IL1RL1: variants seen among roughly 807,000 people sequenced by gnomAD.
The protein encoded by IL1RL1 is interleukin-1 receptor-like 1.
IL1RL1 carries 32 observed loss-of-function variants against 50.9 expected under a neutral mutation model. That is an observed-to-expected ratio of 0.63 (90% CI 0.47 to 0.84). IL1RL1 has a LOEUF of 0.84. Ranked by LOEUF, IL1RL1 falls within the 40% of genes least tolerant of loss-of-function variation. The pLI is 0.00. For synonymous variants in IL1RL1, 275 were observed against 236.0 expected (o/e 1.17, Z -1.51); for missense variants, 773 against 662.9 (o/e 1.17, Z -1.82).
At position 102,314,467 on chromosome 2, in the gene IL1RL1, C is replaced by T. The variant is rs146488332; in HGVS notation, c.-150+2844C>T. On this transcript the variant is annotated intron_variant, in intron 1 of 10. Coordinates refer to ENST00000233954, the MANE Select transcript of IL1RL1 (RefSeq NM_016232.5). Reference sequence around the variant, plus strand: ...AAACACAGAATAAAGATAGTGTCCACCAAGATGTAACTGAGATTTAAAGAA... The same window carrying T: ...AAACACAGAATAAAGATAGTGTCCATCAAGATGTAACTGAGATTTAAAGAA... Among the ~76,000 whole-genome samples the T allele has an allele frequency of 5.5e-4, 84 of 152,290 alleles. 2 individuals are homozygous for T. In the East Asian group the frequency reaches 0.014, roughly 26 times the overall value.
intron 1 of IL1RL1, among the ~76,000 whole-genome samples, chr2:102,314,187 T>TA (rs1559593162): frequency 6.6e-6 from 1 of 152,208 alleles, no homozygotes; most frequent in East Asian, 1.9e-4. Flanking sequence ...GACTGCTATG[T>TA]GCCAGACCCT....
At position 102,343,920 on chromosome 2, in the gene IL1RL1, T is replaced by A. The variant is rs1001255928; in HGVS notation, c.970+505T>A. The A allele has an allele frequency of 2.6e-5, 26 of 995,296 alleles. No homozygotes were observed. The African/African-American group carries it at 4.3e-4, about 17-fold the overall frequency. The allele number at this position is 995,296 out of a possible 1,614,324, so 61.7% of individuals were successfully genotyped here. On this transcript the variant is annotated intron_variant, in intron 8 of 10. Coordinates refer to ENST00000233954, the MANE Select transcript of IL1RL1 (RefSeq NM_016232.5). ...TACTGCCATTTCAGTGAGAAAATCC[T>A]AGGTGCTACTTTATAATAAGACATT... is the stretch of plus-strand genomic sequence containing the variant.
At position 102,351,734 on chromosome 2, in the gene IL1RL1, C is replaced by T. The variant is rs758267880; in HGVS notation, c.1484C>T (p.Ala495Val). ...LSELDMLQAEALQDSLQHLMK... is the reference protein window; with the variant it reads ...LSELDMLQAEVLQDSLQHLMK... ...GAGCTGGACATGCTGCAGGCTGAGG[C>T]GCTTCAGGACTCCCTCCAGCATCTT... is the stretch of plus-strand genomic sequence containing the variant. Residue 495 changes from alanine to valine, a missense_variant, in exon 11 of 11, where the codon GCG (alanine) becomes GTG (valine). Ala to Val is a moderately conservative substitution (Grantham distance 64, BLOSUM62 0). Coordinates refer to ENST00000233954, the MANE Select transcript of IL1RL1 (RefSeq NM_016232.5). 1.6e-5 allele frequency: 26 copies of T among 1,613,832 alleles called. No homozygotes were observed. The highest frequency in any genetic ancestry group is 1.2e-4 in the South Asian group (11 of 91,078).
At chr2:102,319,377 A>C (rs1313288812) in intron 1 of IL1RL1, among the ~76,000 whole-genome samples, 1 of 152,198 alleles carries the variant, frequency 6.6e-6, no homozygotes, top group Middle Eastern at 3.2e-3. Flanking sequence ...TTTTAGATAC[A>C]AATATTGTCA....
Position 102,311,956 on chromosome 2 carries a change from TATATTATATATA to T in IL1RL1, c.-150+350_-150+361del, listed in dbSNP as rs1331711145. 2.6e-3 allele frequency among the ~76,000 whole-genome samples: 94 copies of T among 36,740 alleles called. 3 individuals carry two copies. In the East Asian group the frequency reaches 0.034, roughly 13 times the overall value. The allele number at this position is 36,740 out of a possible 152,430, so 24.1% of individuals were successfully genotyped here. ...ATTATATATAATATTATATATAATA[TATATTATATATA>T]ATATTATATATAATATATATTATAT... On this transcript the variant is annotated intron_variant, in intron 1 of 10. Coordinates refer to ENST00000233954, the MANE Select transcript of IL1RL1 (RefSeq NM_016232.5).
At chr2:102,312,295 CATT>C (rs1303786778) in intron 1 of IL1RL1, among the ~76,000 whole-genome samples, 1 of 148,422 alleles carries the variant, frequency 6.7e-6, no homozygotes, top group East Asian at 2.0e-4. Context: ...ATATATATAA[CATT>C]ATAACAATAA....
Position 102,338,100 on chromosome 2 carries a change from C to CT in IL1RL1, c.-149-15dup, listed in dbSNP as rs1241937333. ...ATAAAAATTCTGTTTATGGTTTTGTCTAACTTATTTTTCAGTTGAGATATA... is the reference window on the plus strand; with the variant it reads ...ATAAAAATTCTGTTTATGGTTTTGTCTTAACTTATTTTTCAGTTGAGATATA... On this transcript the variant is annotated splice_polypyrimidine_tract_variant and intron_variant, in intron 1 of 10. Coordinates refer to ENST00000233954, the MANE Select transcript of IL1RL1 (RefSeq NM_016232.5). The CT allele has an allele frequency of 4.5e-6, 2 of 445,336 alleles. No individual in the cohort carries two copies. Among genetic ancestry groups the CT allele is most frequent in the Non-Finnish European group, 8.2e-6 (2 of 243,428 alleles). 27.6% of individuals were successfully genotyped at this position (445,336 alleles called of 1,614,324 possible). A position where few individuals can be genotyped will look rare whatever the true frequency, so the allele number is the denominator to read the frequency against.
intron 1 of IL1RL1, among the ~76,000 whole-genome samples, chr2:102,311,925 A>T (rs13024161): frequency 4.8e-5 from 2 of 41,686 alleles, no homozygotes; most frequent in Non-Finnish European, 7.9e-5. Flanking sequence ...TTATTATATA[A>T]TATATATTAT....
intron 1 of IL1RL1, among the ~76,000 whole-genome samples, chr2:102,320,567 TGAG>T (rs1454665461): frequency 6.6e-6 from 1 of 152,158 alleles, no homozygotes; most frequent in Non-Finnish European, 1.5e-5. Flanking sequence ...TTATGTCTAA[TGAG>T]GTGTCAAGCT....
In IL1RL1 at chr2:102,340,245, C is replaced by A. The variant is rs1239462504; in HGVS notation, c.420C>A (p.Asn140Lys). 1.2e-6 allele frequency: 2 copies of A among 1,600,836 alleles called. No individual in the cohort carries two copies. Among genetic ancestry groups the A allele is most frequent in the Non-Finnish European group, 1.7e-6 (2 of 1,177,000 alleles). The change falls in exon 4 of 11, where the codon AAC becomes AAA. Residue 140 changes from asparagine to lysine, a missense_variant. Physicochemically the swap from Asn to Lys is moderately conservative, Grantham distance 94. Transcript: ENST00000233954. Reference sequence around the variant, plus strand: ...ATTGTCCTACCATTGACCTCTACAACTGGACAGCACCTCTTGAGTGGTTTA... The same window carrying A: ...ATTGTCCTACCATTGACCTCTACAAATGGACAGCACCTCTTGAGTGGTTTA... ...KIYCPTIDLYNWTAPLEWFKN... is the reference protein window; with the variant it reads ...KIYCPTIDLYKWTAPLEWFKN...
Position 102,342,353 on chromosome 2 carries a change from C to G in IL1RL1, c.682+59C>G. The stretch of plus-strand genomic sequence containing the variant: ...CCTGGAAAAATCCTTCCATATGACC[C>G]CTGTTCTGAATTCCCTTAGCAGGGG... On this transcript the variant is annotated intron_variant, in intron 6 of 10. Coordinates refer to ENST00000233954, the MANE Select transcript of IL1RL1 (RefSeq NM_016232.5). The G allele has an allele frequency of 2.5e-6, 3 of 1,211,578 alleles. No individual in the cohort carries two copies. In the South Asian group the frequency reaches 3.6e-5, roughly 15 times the overall value. The allele number at this position is 1,211,578 out of a possible 1,614,324, so 75.1% of individuals were successfully genotyped here. A position where few individuals can be genotyped will look rare whatever the true frequency, so the allele number is the denominator to read the frequency against.
chr2:102,336,493 A>G (rs1042651080), intron 1 of IL1RL1, among the ~76,000 whole-genome samples: 1 of 152,218 alleles, frequency 6.6e-6, no homozygotes, highest in African/African-American at 2.4e-5. Flanking sequence ...GATGACTTAT[A>G]AACGTAGGTT....
intron 8 of IL1RL1, chr2:102,344,908 A>T (rs1677724676): frequency 3.1e-6 from 3 of 971,456 alleles, no homozygotes. Context: ...GATTTTAATG[A>T]TATCATTATA....
chr2:102,352,057 T>C (rs1677952366), downstream of IL1RL1: 8 of 891,566 alleles, frequency 9.0e-6, no homozygotes, highest in Non-Finnish European at 1.2e-5. Flanking sequence ...CTGGTAACTT[T>C]CCTTCCATTT....
chr2:102,341,830 T>C (rs1228642587), intron 5 of IL1RL1, among the ~76,000 whole-genome samples: 1 of 152,188 alleles, frequency 6.6e-6, no homozygotes, highest in African/African-American at 2.4e-5. Context: ...CGAGCAAATC[T>C]GTGGACTCAT....
chr2:102,350,137 C>T (rs1677887657), intron 10 of IL1RL1, among the ~76,000 whole-genome samples: 1 of 152,236 alleles, frequency 6.6e-6, no homozygotes, highest in South Asian at 2.1e-4. Flanking sequence ...CATTTCTTCT[C>T]TCAAGGCTCT....
Position 102,338,852 on chromosome 2 carries a change from GC to G in IL1RL1, c.79del (p.Leu27TrpfsTer6), listed in dbSNP as rs1474081881. On this transcript the variant is annotated frameshift_variant, in exon 3 of 11. Coordinates refer to ENST00000233954, the MANE Select transcript of IL1RL1 (RefSeq NM_016232.5). LOFTEE classifies it high-confidence loss of function. ...TAAKFSKQSW[G>X]LENEALIVRC... The stretch of plus-strand genomic sequence containing the variant: ...TTATTTGCAGGTAAACAATCATGGG[GC>G]CTGGAAAATGAGGCTTTAATTGTAA... 2 of 1,612,152 alleles carry G rather than the reference GC, an allele frequency of 1.2e-6. No individual in the cohort carries two copies. Among genetic ancestry groups the G allele is most frequent in the African/African-American group, 2.7e-5 (2 of 74,818 alleles).
intron 1 of IL1RL1, among the ~76,000 whole-genome samples, chr2:102,326,005 C>T (rs1676987199): frequency 6.6e-6 from 1 of 152,076 alleles, no homozygotes; most frequent in Admixed American, 6.5e-5. Flanking sequence ...CAGAGAACAC[C>T]ACAAAGATAC....
rs551427143 is a variant in IL1RL1, at chr2:102,345,468, C to T, written c.970+2053C>T. ...AATCATGTAGAAATTGTTTAATGTG[C>T]CTGTCAAATAGCCAAAGAGTGTTAA... is the stretch of plus-strand genomic sequence containing the variant. On this transcript the variant is annotated intron_variant, in intron 8 of 10. Transcript: ENST00000233954. 6 of 985,364 alleles carry T rather than the reference C, an allele frequency of 6.1e-6. No homozygotes were observed. The African/African-American group carries it at 1.0e-4, about 17-fold the overall frequency. 61.0% of individuals were successfully genotyped at this position (985,364 alleles called of 1,614,324 possible).
Sources: gnomAD v4.1 joint callset for allele counts (sites outside exome capture counted in the v4.1 genomes callset) on GRCh38, gnomAD v4.1.1 for gene constraint, MANE v1.5 for transcripts, NCBI Gene and HGNC (gene_info 2026-07-23, HGNC 2026-07-21) for gene names.